Variants in NPAS3 observed in about 807,000 individuals in gnomAD.
NPAS3 encodes neuronal PAS domain protein 3.
In NPAS3, 14 loss-of-function variants were observed where a neutral mutation model predicts 73.1. The ratio of observed to expected loss-of-function variants is 0.19; its 90% CI spans 0.13 to 0.30. The LOEUF (loss-of-function observed/expected upper bound fraction) is 0.30. Ranked by LOEUF, NPAS3 falls within the 10% of genes least tolerant of loss-of-function variation. The pLI is 1.00. For synonymous variants in NPAS3, 620 were observed against 541.5 expected (o/e 1.14, Z -2.01); for missense variants, 1,096 against 1,250.0 (o/e 0.88, Z 1.86).
intron 3 of NPAS3, among the ~76,000 whole-genome samples, chr14:33,308,555 C>CACACACAT (rs1476052874): frequency 2.2e-5 from 2 of 90,454 alleles, no homozygotes; most frequent in Admixed American, 1.1e-4. Flanking sequence ...CACACACACA[C>CACACACAT]ATACATACAT....
intron 4 of NPAS3, among the ~76,000 whole-genome samples, chr14:33,554,317 C>A (rs2055254802): frequency 6.6e-6 from 1 of 152,204 alleles, no homozygotes; most frequent in Non-Finnish European, 1.5e-5. Context: ...CAGTGAAGAA[C>A]TCTGGGTTTG....
chr14:33,080,839 C>A (rs547205160), intron 2 of NPAS3, among the ~76,000 whole-genome samples: 1 of 152,326 alleles, frequency 6.6e-6, no homozygotes, highest in East Asian at 1.9e-4. Context: ...TTCAGCACTT[C>A]TGTTTACATT....
At chr14:33,143,368 G>C (rs1282286749) in intron 2 of NPAS3, among the ~76,000 whole-genome samples, 1 of 151,922 alleles carries the variant, frequency 6.6e-6, no homozygotes, top group African/African-American at 2.4e-5. Flanking sequence ...GCGCATGCCT[G>C]TAATCCCAGC....
Position 33,723,533 on chromosome 14 carries a change from C to A in NPAS3, c.734-11681C>A, listed in dbSNP as rs78925403. Among the ~76,000 whole-genome samples, 989 of 152,108 alleles carry A rather than the reference C, an allele frequency of 6.5e-3. 9 individuals are homozygous for A. Among genetic ancestry groups the A allele is most frequent in the African/African-American group, 0.022 (911 of 41,494 alleles). On this transcript the variant is annotated intron_variant, in intron 6 of 11. Coordinates refer to ENST00000356141, the Ensembl canonical transcript of NPAS3. ...TACAAGCCTCACGTCTGCCTCTTCACCCTCACTGAGACCTTTCTTTCTTGG... is the reference window on the plus strand; with the variant it reads ...TACAAGCCTCACGTCTGCCTCTTCAACCTCACTGAGACCTTTCTTTCTTGG...
At chr14:33,468,910 G>A (rs1288584302) in intron 4 of NPAS3, among the ~76,000 whole-genome samples, 1 of 152,088 alleles carries the variant, frequency 6.6e-6, no homozygotes, top group Non-Finnish European at 1.5e-5. Context: ...TAAATTCTGA[G>A]CTACAGTTAA....
intron 2 of NPAS3, among the ~76,000 whole-genome samples, chr14:33,195,225 A>C (rs1472357566): frequency 6.6e-6 from 1 of 151,506 alleles, no homozygotes; most frequent in Non-Finnish European, 1.5e-5. Context: ...TCTCCCACCC[A>C]CTAGCTAAAA....
intron 4 of NPAS3, among the ~76,000 whole-genome samples, chr14:33,471,664 G>A (rs17101321): frequency 0.12 from 18,447 of 152,218 alleles, 1,803 homozygotes; most frequent in African/African-American, 0.27. Flanking sequence ...AGAAATCAAC[G>A]AGGTAGGTAG....
At chr14:33,749,228 T>C (rs2061889738) in intron 7 of NPAS3, among the ~76,000 whole-genome samples, 1 of 152,210 alleles carries the variant, frequency 6.6e-6, no homozygotes, top group Admixed American at 6.5e-5. Context: ...TCACTAACTT[T>C]AAACACAATA....
At chr14:33,124,494 A>G (rs902037136) in intron 2 of NPAS3, among the ~76,000 whole-genome samples, 1 of 152,168 alleles carries the variant, frequency 6.6e-6, no homozygotes, top group Non-Finnish European at 1.5e-5. Context: ...TAAGGATTAA[A>G]TTCAATATCA....
chr14:33,803,908 G>A (rs745843740), downstream of NPAS3: 22 of 152,078 alleles, frequency 1.4e-4, no homozygotes, highest in Admixed American at 5.9e-4. Context: ...TAATTAAAAC[G>A]TTACAAAGCG....
At chr14:33,025,152 C>G (rs1877146576) in intron 1 of NPAS3, among the ~76,000 whole-genome samples, 1 of 152,148 alleles carries the variant, frequency 6.6e-6, no homozygotes, top group Non-Finnish European at 1.5e-5. Flanking sequence ...ACAGTGATCA[C>G]TGAGATTTTA....
chr14:33,111,286 G>A (rs2042884049), intron 2 of NPAS3, among the ~76,000 whole-genome samples: 1 of 152,226 alleles, frequency 6.6e-6, no homozygotes, highest in Non-Finnish European at 1.5e-5. Flanking sequence ...TGGGCCCAGA[G>A]GCAGTTGGCC....
intron 5 of NPAS3, among the ~76,000 whole-genome samples, chr14:33,664,245 C>T (rs919613019): frequency 6.6e-6 from 1 of 152,130 alleles, no homozygotes; most frequent in Non-Finnish European, 1.5e-5. Context: ...CTTTGACAAA[C>T]CTGACAAAAG....
intron 4 of NPAS3, among the ~76,000 whole-genome samples, chr14:33,427,070 A>G (rs1303957597): frequency 6.6e-6 from 1 of 152,032 alleles, no homozygotes; most frequent in Non-Finnish European, 1.5e-5. Context: ...AAGATAGAAC[A>G]CTGACTTTTA....
At chr14:33,690,873 A>T (rs1479361887) in intron 6 of NPAS3, among the ~76,000 whole-genome samples, 1 of 13,618 alleles carries the variant, frequency 7.3e-5, no homozygotes, top group African/African-American at 1.6e-4. Context: ...AAATTTGTTA[A>T]AAAAAAAAAA....
intron 1 of NPAS3, among the ~76,000 whole-genome samples, chr14:33,035,952 A>G (rs1259914761): frequency 6.6e-6 from 1 of 152,216 alleles, no homozygotes; most frequent in Non-Finnish European, 1.5e-5. Context: ...ATAGGATGAC[A>G]AAAACAAAAG....
chr14:33,453,060 A>C (rs1355791633), intron 4 of NPAS3, among the ~76,000 whole-genome samples: 2 of 152,122 alleles, frequency 1.3e-5, no homozygotes, highest in Non-Finnish European at 2.9e-5. Flanking sequence ...ATTCCCTCAC[A>C]GATGCCAGTG....
At chr14:33,299,112 A>G (rs2042421839) in intron 3 of NPAS3, among the ~76,000 whole-genome samples, 1 of 152,230 alleles carries the variant, frequency 6.6e-6, no homozygotes, top group African/African-American at 2.4e-5. Flanking sequence ...GAGCTGCCAT[A>G]GATCTATGTC....
At chr14:33,418,665 T>C (rs1445790289) in intron 4 of NPAS3, among the ~76,000 whole-genome samples, 1 of 115,594 alleles carries the variant, frequency 8.7e-6, no homozygotes, top group Non-Finnish European at 1.7e-5. Context: ...CCATTTTTTA[T>C]TTTTATTTTT....
Sources: gnomAD v4.1 joint callset for allele counts (sites outside exome capture counted in the v4.1 genomes callset) on GRCh38, gnomAD v4.1.1 for gene constraint, MANE v1.5 for transcripts, NCBI Gene and HGNC (gene_info 2026-07-23, HGNC 2026-07-21) for gene names.